NMT2: variants seen among roughly 807,000 people sequenced by gnomAD.
NMT2 encodes glycylpeptide N-tetradecanoyltransferase 2.
Under a neutral mutation model 65.4 loss-of-function variants are expected in NMT2, and 35 were observed. The observed-to-expected ratio is 0.54, with a 90% confidence interval of 0.41 to 0.71. The LOEUF is 0.71. Ranked by LOEUF, NMT2 falls within the 30% of genes least tolerant of loss-of-function variation. The probability of loss-of-function intolerance (pLI) is 0.00; values close to 1 mark genes in which losing one functional copy is unlikely to be tolerated. For missense variants in NMT2, 489 were observed against 611.3 expected (o/e 0.80, Z 2.11); for synonymous variants, 226 against 231.8 (o/e 0.98, Z 0.23).
At chr10:15,147,979 T>G (rs1267844323) in intron 1 of NMT2, among the ~76,000 whole-genome samples, 1 of 152,198 alleles carries the variant, frequency 6.6e-6, no homozygotes, top group Non-Finnish European at 1.5e-5. Context: ...ATAACACAAA[T>G]GAGAAAGTAT....
intron 2 of NMT2, 145 bp from the exon 3 acceptor site, chr10:15,135,563 G>A: frequency 1.3e-6 from 1 of 753,324 alleles, no homozygotes; most frequent in Non-Finnish European, 2.2e-6. Flanking sequence ...ATGGGCTTGT[G>A]TGTTACACAT....
rs760580505 is a variant in NMT2, at chr10:15,141,546, C to A, written c.122G>T (p.Gly41Val). 1.8e-5 allele frequency: 29 copies of A among 1,611,036 alleles called. No homozygotes were observed. Among genetic ancestry groups the A allele is most frequent in the Non-Finnish European group, 2.5e-5 (29 of 1,178,830 alleles). ...CTTTTTCTTTTTGGCTCCCAAATAC[C>A]CTCCAGGACTTCTGCAGGAAATGCA... ...ETEHAKGSPG[G>V]YLGAKKKKKK... The change falls in exon 2 of 12, where the codon GGG becomes GTG. Residue 41 changes from glycine to valine, a missense_variant. Transcript: ENST00000378165.
At chr10:15,136,385 G>A (rs1169638805) in intron 2 of NMT2, among the ~76,000 whole-genome samples, 1 of 139,646 alleles carries the variant, frequency 7.2e-6, no homozygotes, top group Non-Finnish European at 1.5e-5. Flanking sequence ...AGGAAGGAAG[G>A]AAGGAAGGTA....
chr10:15,135,739 A>G (rs1846460584), intron 2 of NMT2, among the ~76,000 whole-genome samples: 1 of 152,012 alleles, frequency 6.6e-6, no homozygotes, highest in Admixed American at 6.6e-5. Flanking sequence ...CAGTGCATGC[A>G]TTACTGTCAT....
At chr10:15,129,898 A>ACCCT in intron 7 of NMT2, among the ~76,000 whole-genome samples, 1 of 137,956 alleles carries the variant, frequency 7.2e-6, no homozygotes. Context: ...ACAGAGTAAG[A>ACCCT]GTCTGCCTCA....
chr10:15,118,286 C>G (rs1350518339), intron 9 of NMT2, among the ~76,000 whole-genome samples: 1 of 152,196 alleles, frequency 6.6e-6, no homozygotes, highest in Non-Finnish European at 1.5e-5. Context: ...ACCTATAATT[C>G]CAGCACTTTG....
intron 1 of NMT2, among the ~76,000 whole-genome samples, chr10:15,148,146 G>C (rs1171414318): frequency 6.6e-6 from 1 of 152,194 alleles, no homozygotes; most frequent in Non-Finnish European, 1.5e-5. Context: ...TCAGCTGTGT[G>C]ACTTTGAGTT....
In NMT2 at chr10:15,141,465, G is replaced by A. The variant is rs781441815; in HGVS notation, c.203C>T (p.Ser68Leu). The change falls in exon 2 of 12, where the codon TCG becomes TTG. Residue 68 changes from serine to leucine, a missense_variant. By Grantham distance (145) the Ser-to-Leu change is moderately radical. Transcript: ENST00000378165. ...KPNSGGTKSD[S>L]ASDSQEIKIQ... ...TTTAATCTCCTGGGAATCAGATGCCGAGTCTGACTTGGTGCCTCCGGAATT... is the reference window on the plus strand; with the variant it reads ...TTTAATCTCCTGGGAATCAGATGCCAAGTCTGACTTGGTGCCTCCGGAATT... 1.1e-5 allele frequency: 18 copies of A among 1,614,206 alleles called. No individual in the cohort carries two copies. Among genetic ancestry groups the A allele is most frequent in the South Asian group, 7.7e-5 (7 of 91,090 alleles).
intron 1 of NMT2, among the ~76,000 whole-genome samples, chr10:15,158,353 A>G (rs1443078597): frequency 2.0e-5 from 3 of 152,240 alleles, no homozygotes; most frequent in East Asian, 3.9e-4. Flanking sequence ...GCATATGCCA[A>G]GAGGTCAAAA....
intron 1 of NMT2, among the ~76,000 whole-genome samples, chr10:15,165,437 CATT>C (rs766441526): frequency 4.6e-5 from 7 of 152,148 alleles, no homozygotes; most frequent in Non-Finnish European, 8.8e-5. Context: ...AATTGCCAAA[CATT>C]GTTTGAAAAT....
At position 15,168,646 on chromosome 10, in the gene NMT2, G is replaced by A. The variant is rs767901901; in HGVS notation, c.-34C>T. On this transcript the variant is annotated 5_prime_UTR_variant, in exon 1 of 12. Transcript: ENST00000378165. ...CGCTGGCTGGGGAGGCGGTGCTCGGGGCCGGGCCGGAGCGGCCGCAGCTCC... is the reference window on the plus strand; with the variant it reads ...CGCTGGCTGGGGAGGCGGTGCTCGGAGCCGGGCCGGAGCGGCCGCAGCTCC... The A allele has an allele frequency of 6.1e-5, 94 of 1,530,930 alleles. No individual in the cohort carries two copies. In the Middle Eastern group the frequency reaches 1.4e-3, roughly 22 times the overall value. The allele number at this position is 1,530,930 out of a possible 1,614,324, so 94.8% of individuals were successfully genotyped here. A position where few individuals can be genotyped will look rare whatever the true frequency, so the allele number is the denominator to read the frequency against.
chr10:15,139,549 G>T (rs539557085), intron 2 of NMT2, among the ~76,000 whole-genome samples: 1 of 151,980 alleles, frequency 6.6e-6, no homozygotes, highest in Non-Finnish European at 1.5e-5. Flanking sequence ...ATTTAGAAAC[G>T]GGAAGAGTGT....
At chr10:15,135,487 G>A (rs749815444) in intron 2 of NMT2, 69 bp from the exon 3 acceptor site, 12 of 1,520,250 alleles carry the variant, frequency 7.9e-6, no homozygotes, top group Admixed American at 5.2e-5. Context: ...GCAGACGCAC[G>A]TGCATCTGCC....
intron 9 of NMT2, 25 bp from the exon 10 acceptor site, chr10:15,112,988 A>G (rs374087828): frequency 1.9e-6 from 3 of 1,611,836 alleles, no homozygotes; most frequent in African/African-American, 2.7e-5. Flanking sequence ...GCTGTCAGAC[A>G]GAGATCTCCT....
intron 7 of NMT2, among the ~76,000 whole-genome samples, chr10:15,129,557 G>A (rs1846203185): frequency 6.6e-6 from 1 of 152,186 alleles, no homozygotes; most frequent in Non-Finnish European, 1.5e-5. Context: ...TGCAAAGCAT[G>A]GCAGAAAACT....
intron 9 of NMT2, among the ~76,000 whole-genome samples, chr10:15,114,364 G>C (rs1180829763): frequency 6.6e-6 from 1 of 152,076 alleles, no homozygotes; most frequent in African/African-American, 2.4e-5. Flanking sequence ...AAAATGACCA[G>C]AGAATCACCA....
intron 2 of NMT2, among the ~76,000 whole-genome samples, chr10:15,139,145 A>G (rs944708614): frequency 2.6e-5 from 4 of 152,134 alleles, no homozygotes; most frequent in Non-Finnish European, 5.9e-5. Flanking sequence ...TCAGGCTCCA[A>G]GTTCTTCAGT....
intron 2 of NMT2, among the ~76,000 whole-genome samples, chr10:15,138,914 T>C (rs1444983665): frequency 6.6e-6 from 1 of 152,184 alleles, no homozygotes; most frequent in Non-Finnish European, 1.5e-5. Flanking sequence ...GGATACAAAG[T>C]ATTGGTCCTG....
rs561180143 is a variant in NMT2 at position 15,153,460 on chromosome 10, C to T, written c.111-11903G>A. Among the ~76,000 whole-genome samples, 16 of 152,324 alleles carry T rather than the reference C, an allele frequency of 1.1e-4. No homozygotes were observed. The East Asian group carries it at 3.1e-3, about 29-fold the overall frequency. On this transcript the variant is annotated intron_variant, in intron 1 of 11. Transcript: ENST00000378165. Reference sequence around the variant, plus strand: ...ACCAAGAGTCCACAACAGGAGCTGCCTATGGGGGAGAAGTTCAGCGCAGGG... The same window carrying T: ...ACCAAGAGTCCACAACAGGAGCTGCTTATGGGGGAGAAGTTCAGCGCAGGG...
Sources: gnomAD v4.1 joint callset for allele counts (sites outside exome capture counted in the v4.1 genomes callset) on GRCh38, gnomAD v4.1.1 for gene constraint, MANE v1.5 for transcripts, NCBI Gene and HGNC (gene_info 2026-07-23, HGNC 2026-07-21) for gene names.